Variants in SLC61A1 observed in about 807,000 individuals in gnomAD.
SLC61A1 encodes the protein solute carrier family 61 member 1.
the SLC61A1 span, chr12:53,252,403 G>C: frequency 7.7e-7 from 1 of 1,294,916 alleles, no homozygotes; most frequent in Non-Finnish European, 9.8e-7. Context: ...CAACTCGAGA[G>C]GCCTGCGCGG....
the SLC61A1 span, chr12:53,251,412 A>AT: frequency 7.3e-5 from 22 of 300,290 alleles, no homozygotes; most frequent in Non-Finnish European, 1.2e-4. Context: ...TCTTGAGGAG[A>AT]TGATACGGAA....
chr12:53,253,072 C>A, the SLC61A1 span: 1 of 1,614,266 alleles, frequency 6.2e-7, no homozygotes, highest in Non-Finnish European at 8.5e-7. Flanking sequence ...AAATTGCCAT[C>A]CTCTATGTCT....
chr12:53,252,821 G>C, the SLC61A1 span: 1 of 1,613,124 alleles, frequency 6.2e-7, no homozygotes, highest in Non-Finnish European at 8.5e-7. Context: ...TTCCCAGGTC[G>C]TCCGGGGGCC....
the SLC61A1 span, chr12:53,253,953 A>C: frequency 6.2e-7 from 1 of 1,614,196 alleles, no homozygotes; most frequent in African/African-American, 1.3e-5. Flanking sequence ...CCTGAGACAG[A>C]GCAGGCTGGT....
At chr12:53,252,464 C>T in the SLC61A1 span, 1 of 1,294,432 alleles carries the variant, frequency 7.7e-7, no homozygotes, top group Non-Finnish European at 9.8e-7. Flanking sequence ...CAAAAAGAGG[C>T]TCCGCAGCGA....
chr12:53,253,247 G>A, the SLC61A1 span: 1 of 1,614,234 alleles, frequency 6.2e-7, no homozygotes, highest in Non-Finnish European at 8.5e-7. Flanking sequence ...AGCACTTGGT[G>A]GGCTGTCCAC....
the SLC61A1 span, chr12:53,253,251 T>C: frequency 6.2e-7 from 1 of 1,614,278 alleles, no homozygotes; most frequent in Non-Finnish European, 8.5e-7. Flanking sequence ...CTTGGTGGGC[T>C]GTCCACAGCC....
the SLC61A1 span, chr12:53,252,626 GC>G: frequency 8.3e-7 from 1 of 1,210,016 alleles, no homozygotes; most frequent in Non-Finnish European, 1.1e-6. Flanking sequence ...ACCCCTCCCT[GC>G]CCCACAGTGT....
the SLC61A1 span, chr12:53,252,518 A>G: frequency 7.4e-7 from 1 of 1,358,782 alleles, no homozygotes; most frequent in Non-Finnish European, 9.5e-7. Context: ...CTGCTGTGGG[A>G]AAGGGCAGTA....
At chr12:53,254,046 G>T in the SLC61A1 span, 1 of 1,614,194 alleles carries the variant, frequency 6.2e-7, no homozygotes, top group African/African-American at 1.3e-5. Context: ...CGAAAAACAG[G>T]CACTCGGAAT....
chr12:53,253,891 G>T, the SLC61A1 span: 1 of 1,614,212 alleles, frequency 6.2e-7, no homozygotes, highest in African/African-American at 1.3e-5. Context: ...TTATTGAGTT[G>T]GCTTGTGGAT....
the SLC61A1 span, chr12:53,253,914 G>C: frequency 6.2e-7 from 1 of 1,614,234 alleles, no homozygotes; most frequent in Non-Finnish European, 8.5e-7. Context: ...TACTTTCCCA[G>C]CATGAGCTTC....
At chr12:53,253,305 T>G in the SLC61A1 span, 6 of 1,614,154 alleles carry the variant, frequency 3.7e-6, no homozygotes, top group South Asian at 6.6e-5. Context: ...CATGAGCACG[T>G]GGAACGGCAT....
At chr12:53,252,684 GGTCCCTCCGGTCT>G in the SLC61A1 span, 1 of 1,235,744 alleles carries the variant, frequency 8.1e-7, no homozygotes, top group East Asian at 2.5e-5. Flanking sequence ...CCACCCAACT[GGTCCCTCCGGTCT>G]GAGATCTTGG....
chr12:53,253,163 C>G, the SLC61A1 span: 1 of 1,614,258 alleles, frequency 6.2e-7, no homozygotes. Flanking sequence ...TTCTTGTGTC[C>G]TCTTCTCCCT....
the SLC61A1 span, chr12:53,252,234 C>T: frequency 7.1e-7 from 1 of 1,412,156 alleles, no homozygotes. Flanking sequence ...TGGAGCCGGA[C>T]GTGTCCGGGG....
At chr12:53,252,398 C>T in the SLC61A1 span, 1 of 1,294,094 alleles carries the variant, frequency 7.7e-7, no homozygotes, top group Non-Finnish European at 9.8e-7. Flanking sequence ...TGAAGCAACT[C>T]GAGAGGCCTG....
the SLC61A1 span, chr12:53,252,990 C>G: frequency 6.2e-7 from 1 of 1,614,230 alleles, no homozygotes; most frequent in Non-Finnish European, 8.5e-7. Context: ...TACTTCCTGG[C>G]CCTGGCAGCT....
the SLC61A1 span, chr12:53,251,381 A>C: frequency 4.3e-6 from 1 of 231,724 alleles, no homozygotes; most frequent in South Asian, 7.7e-5. Context: ...ACCCTTAGTG[A>C]GATGGGAAGT....
Sources: gnomAD v4.1 joint callset for allele counts on GRCh38, gnomAD v4.1.1 for gene constraint, MANE v1.5 for transcripts, NCBI Gene and HGNC (gene_info 2026-07-23, HGNC 2026-07-21) for gene names.